POLR1A: variants seen among roughly 807,000 people sequenced by gnomAD.
The protein encoded by POLR1A is RNA polymerase I subunit A.
In POLR1A, 84 loss-of-function variants were observed where a neutral mutation model predicts 205.3. The ratio of observed to expected loss-of-function variants is 0.41; its 90% confidence interval spans 0.34 to 0.49. POLR1A has a LOEUF of 0.49. POLR1A is among the 20% of genes least tolerant of loss of function. The pLI, the probability that POLR1A is intolerant of heterozygous loss-of-function variation, is 0.22. For missense variants in POLR1A, 1,645 were observed against 2,204.5 expected (o/e 0.75, Z 5.08); for synonymous variants, 799 against 863.7 (o/e 0.93, Z 1.31).
At chr2:86,071,505 T>A (rs1305667134) in intron 12 of POLR1A, among the ~76,000 whole-genome samples, 3 of 152,192 alleles carry the variant, frequency 2.0e-5, no homozygotes, top group Non-Finnish European at 4.4e-5. Context: ...ATGTGATGCT[T>A]CTGTAAATTT....
chr2:86,053,994 C>T, intron 15 of POLR1A, 146 bp downstream of exon 15: 1 of 729,642 alleles, frequency 1.4e-6, no homozygotes, highest in Non-Finnish European at 2.2e-6. Context: ...GAAACAAAAG[C>T]TGACAACAAC....
At chr2:86,104,943 A>G (rs1435751851) in intron 1 of POLR1A, among the ~76,000 whole-genome samples, 2 of 152,248 alleles carry the variant, frequency 1.3e-5, no homozygotes, top group African/African-American at 4.8e-5. Context: ...GACAATATTT[A>G]CCATGAAGAA....
chr2:86,075,472 T>G (rs1673264163), intron 11 of POLR1A, among the ~76,000 whole-genome samples: 1 of 152,188 alleles, frequency 6.6e-6, no homozygotes, highest in Non-Finnish European at 1.5e-5. Context: ...TTTCTACCAG[T>G]TAGTCTGAGG....
chr2:86,066,679 C>G (rs141021783), intron 13 of POLR1A, among the ~76,000 whole-genome samples: 5 of 152,112 alleles, frequency 3.3e-5, no homozygotes, highest in Non-Finnish European at 7.4e-5. Context: ...GGGAGAAGCA[C>G]CAGAAATTTA....
chr2:86,089,709 A>G (rs1673567030), intron 4 of POLR1A, 113 bp downstream of exon 4: 1 of 698,342 alleles, frequency 1.4e-6, no homozygotes, highest in African/African-American at 1.8e-5. Context: ...CAGAGCTCAG[A>G]TGCAAACTCA....
Position 86,027,141 on chromosome 2 carries a change from G to A in POLR1A, c.*282C>T, listed in dbSNP as rs1672274510. 3.9e-6 allele frequency: 2 copies of A among 506,970 alleles called. No homozygotes were observed. Among genetic ancestry groups the A allele is most frequent in the East Asian group, 3.4e-5 (1 of 29,450 alleles). The allele number at this position is 506,970 out of a possible 1,614,324, so 31.4% of individuals were successfully genotyped here. A position where few individuals can be genotyped will look rare whatever the true frequency, so the allele number is the denominator to read the frequency against. On this transcript the variant is annotated 3_prime_UTR_variant, in exon 34 of 34. Transcript: ENST00000263857. ...GCCACAGAGGCCTCCTGCAGCACAG[G>A]TGAGGCCCCAGCCATCTCAGGGGGA...
At position 86,070,171 on chromosome 2, in the gene POLR1A, T is replaced by C; in HGVS notation, c.1713A>G (p.Glu571=). Residue 571 remains glutamate, a synonymous_variant, in exon 13 of 34, where the codon GAA becomes GAG. Coordinates refer to ENST00000263857, the MANE Select transcript of POLR1A (RefSeq NM_015425.6). This position sits in a 1 kb window ranked among gnomAD's most constrained non-coding sequence, Gnocchi z 4.4. The part of the protein sequence containing the change: ...IQAHRARILP[E]EKVLRLHYAN... Reference sequence around the variant, plus strand: ...CATAGTGGAGCCGCAGCACTTTCTCTTCAGGCAGGATGCGGGCACGGTGGG... The same window carrying C: ...CATAGTGGAGCCGCAGCACTTTCTCCTCAGGCAGGATGCGGGCACGGTGGG... The C allele has an allele frequency of 6.2e-7, 1 of 1,614,212 alleles. No individual in the cohort carries two copies. Among genetic ancestry groups the C allele is most frequent in the Non-Finnish European group, 8.5e-7 (1 of 1,180,028 alleles).
rs754597503 is a variant in POLR1A, at chr2:86,075,045, G to A, written c.1596C>T (p.Pro532=). Residue 532 remains proline, a synonymous_variant, in exon 12 of 34, where the codon CCC becomes CCT. Transcript: ENST00000263857. ...LLTPATGAPK[P]QGTKIVCRHV... ...CCTTACTCACAATTTTTGTCCCCTGGGGCTTAGGTGCCCCCGTGGCTGGGG... is the reference window on the plus strand; with the variant it reads ...CCTTACTCACAATTTTTGTCCCCTGAGGCTTAGGTGCCCCCGTGGCTGGGG... The A allele has an allele frequency of 3.1e-6, 5 of 1,609,516 alleles. No homozygotes were observed. In the East Asian group the frequency reaches 8.9e-5, roughly 29 times the overall value.
At chr2:86,093,991 C>A (rs943757451) in intron 3 of POLR1A, among the ~76,000 whole-genome samples, 6 of 152,196 alleles carry the variant, frequency 3.9e-5, no homozygotes, top group Non-Finnish European at 7.3e-5. Flanking sequence ...CGATTGCGGG[C>A]ATGTCTGATG....
chr2:86,096,471 G>A (rs1322388305), intron 3 of POLR1A, among the ~76,000 whole-genome samples: 1 of 151,870 alleles, frequency 6.6e-6, no homozygotes, highest in African/African-American at 2.4e-5. Context: ...AATGGCCAAA[G>A]CAATCTTGAG....
At chr2:86,091,541 T>C (rs1381698931) in intron 3 of POLR1A, among the ~76,000 whole-genome samples, 1 of 152,202 alleles carries the variant, frequency 6.6e-6, no homozygotes, top group Non-Finnish European at 1.5e-5. Context: ...TGAACTGGAC[T>C]GTAAGGGTGA....
intron 14 of POLR1A, among the ~76,000 whole-genome samples, chr2:86,055,423 T>C (rs1202119203): frequency 1.3e-5 from 2 of 152,226 alleles, no homozygotes; most frequent in Non-Finnish European, 2.9e-5. Context: ...TATTCTGTTT[T>C]CTCAGCAGAA....
chr2:86,103,143 C>T (rs190345327), intron 1 of POLR1A, among the ~76,000 whole-genome samples: 14 of 152,044 alleles, frequency 9.2e-5, no homozygotes, highest in African/African-American at 2.7e-4. Context: ...AGGGCTATGA[C>T]GAAAAATAAT....
rs568869317 is a variant in POLR1A at position 86,045,632 on chromosome 2, G to A, written c.2871C>T (p.Thr957=). 156 of 1,614,134 alleles carry A rather than the reference G, an allele frequency of 9.7e-5. No individual in the cohort carries two copies. The highest frequency in any genetic ancestry group is 8.9e-4 in the East Asian group (40 of 44,884). Residue 957 remains threonine (T), a synonymous_variant, in exon 20 of 34, where the codon ACC becomes ACT. Coordinates refer to ENST00000263857, the MANE Select transcript of POLR1A (RefSeq NM_015425.6). ...AGGFVTGRFL[T]GIKPPEFFFH... ...AAATACATACAGGAGGTTTGATGCC[G>A]GTGAGGAACCTGCCAGTGACAAAGC...
chr2:86,088,096 G>A (rs1673533068), intron 6 of POLR1A, among the ~76,000 whole-genome samples: 2 of 152,178 alleles, frequency 1.3e-5, no homozygotes, highest in African/African-American at 4.8e-5. Flanking sequence ...GGGCAGAGCT[G>A]AGGAAAGAAT....
intron 27 of POLR1A, chr2:86,036,931 T>C (rs1416710600): frequency 2.6e-5 from 4 of 152,146 alleles, no homozygotes; most frequent in African/African-American, 9.7e-5. Context: ...GTAATATAAG[T>C]AAAAAGAACC....
Position 86,075,128 on chromosome 2 carries a change from T to C in POLR1A, c.1513A>G (p.Thr505Ala). Residue 505 changes from threonine (T) to alanine (A), a missense_variant, in exon 12 of 34, where the codon ACA (threonine) becomes GCA (alanine). By Grantham distance (58) the Thr-to-Ala change is moderately conservative. This residue lies in a region of POLR1A where 131 missense variants were observed against 214.5 expected (regional missense o/e 0.61). Coordinates refer to ENST00000263857, the MANE Select transcript of POLR1A (RefSeq NM_015425.6). ...SMVINEDGSR[T>A]ALSAVDMTQR... The stretch of plus-strand genomic sequence containing the variant: ...GTCATGTCCACAGCGCTCAGGGCTG[T>C]GCGGCTGCCGTCCTCATTGATGACC... 1 of 1,613,542 alleles carries C rather than the reference T, an allele frequency of 6.2e-7. No homozygotes were observed. The highest frequency in any genetic ancestry group is 8.5e-7 in the Non-Finnish European group (1 of 1,179,944).
At chr2:86,063,803 G>T (rs1487778886) in intron 14 of POLR1A, among the ~76,000 whole-genome samples, 2 of 152,140 alleles carry the variant, frequency 1.3e-5, no homozygotes, top group Non-Finnish European at 2.9e-5. Flanking sequence ...ATTGATTTGG[G>T]ACCCTTTTTC....
chr2:86,065,472 G>T lies in POLR1A; in HGVS notation c.1867-7C>A. The T allele has an allele frequency of 6.2e-7, 1 of 1,609,306 alleles. No homozygotes were observed. Among genetic ancestry groups the T allele is most frequent in the Non-Finnish European group, 8.5e-7 (1 of 1,177,836 alleles). ...CCGCCAATGGTTGGCCATCCTATAAGCCAAAACAGACAACACAAGAAGAAT... is the reference window on the plus strand; with the variant it reads ...CCGCCAATGGTTGGCCATCCTATAATCCAAAACAGACAACACAAGAAGAAT... On this transcript the variant is annotated splice_polypyrimidine_tract_variant and splice_region_variant and intron_variant, in intron 13 of 33. Transcript: ENST00000263857.
Sources: gnomAD v4.1 joint callset for allele counts (sites outside exome capture counted in the v4.1 genomes callset) on GRCh38, gnomAD v4.1.1 for gene constraint, gnomAD v4.1.1 regional missense constraint, Gnocchi (gnomAD v3.1) non-coding constraint, MANE v1.5 for transcripts, NCBI Gene and HGNC (gene_info 2026-07-23, HGNC 2026-07-21) for gene names.